The following DLG4 variants were observed in gnomAD, a reference collection of about 807,000 sequenced individuals.
DLG4 encodes discs large MAGUK scaffold protein 4, also known as disks large homolog 4.
A neutral mutation model predicts 93.8 loss-of-function variants in DLG4; 7 were observed. The observed-to-expected ratio is 0.07, with a 90% CI of 0.04 to 0.14. The LOEUF is 0.14. DLG4 is among the 10% of genes least tolerant of loss of function. DLG4 has a pLI of 1.00. For synonymous variants in DLG4, 341 were observed against 387.6 expected, an observed-to-expected ratio of 0.88 and a Z score of 1.41; for missense variants, 545 against 992.9, an observed-to-expected ratio of 0.55 and a Z score of 6.06.
chr17:7,205,697 C>A (rs2070427387), intron 2 of DLG4, among the ~76,000 whole-genome samples: 1 of 132,766 alleles, frequency 7.5e-6, no homozygotes, highest in Non-Finnish European at 1.7e-5. Flanking sequence ...ACGTGTTCAT[C>A]CCCCATCCCA....
chr17:7,217,255 CA>C lies in DLG4; in HGVS notation c.-109del, dbSNP rs2070962057. The C allele has an allele frequency of 2.4e-6, 3 of 1,226,582 alleles. No individual in the cohort carries two copies. The highest frequency in any genetic ancestry group is 3.2e-5 in the African/African-American group (2 of 62,342). The allele number at this position is 1,226,582 out of a possible 1,614,324, so 76.0% of individuals were successfully genotyped here. A position where few individuals can be genotyped will look rare whatever the true frequency, so the allele number is the denominator to read the frequency against. On this transcript the variant is annotated 5_prime_UTR_variant, in exon 1 of 20. Coordinates refer to ENST00000399506, the MANE Select transcript of DLG4 (RefSeq NM_001321075.3). Reference sequence around the variant, plus strand: ...CTCCCCCCTCCGCACCCCACTTTTGCAGGGGGGGCCAGGATGGGGGGAGGGG... The same window carrying C: ...CTCCCCCCTCCGCACCCCACTTTTGCGGGGGGGCCAGGATGGGGGGAGGGG...
chr17:7,218,595 A>C (rs772226018), upstream of DLG4: 4 of 1,566,712 alleles, frequency 2.6e-6, no homozygotes, highest in Middle Eastern at 1.7e-4. Flanking sequence ...GGGGGTGCCC[A>C]CCGCAGCAGT....
chr17:7,214,980 A>G (rs973418555), intron 1 of DLG4, among the ~76,000 whole-genome samples: 1 of 152,160 alleles, frequency 6.6e-6, no homozygotes, highest in Non-Finnish European at 1.5e-5. Flanking sequence ...GAGCTCAACG[A>G]CCGCAAAGCC....
Position 7,195,407 on chromosome 17 carries a change from C to T in DLG4, c.1301+813G>A, listed in dbSNP as rs115168778. Among the ~76,000 whole-genome samples the T allele has an allele frequency of 0.019, 2,847 of 152,218 alleles. 41 individuals carry two copies. Among genetic ancestry groups the T allele is most frequent in the African/African-American group, 0.037 (1,523 of 41,524 alleles). ...GCAGGGAGGAAGGGCAGAGCAAGGG[C>T]TCAGGTGGGAGCCAGTGTCTGGGTG... On this transcript the variant is annotated intron_variant, in intron 11 of 19. Coordinates refer to ENST00000399506, the MANE Select transcript of DLG4 (RefSeq NM_001321075.3). This position sits in a 1 kb window ranked among gnomAD's most constrained non-coding sequence, Gnocchi z 4.3.
chr17:7,211,626 G>A (rs1008605977), intron 1 of DLG4: 2 of 951,778 alleles, frequency 2.1e-6, no homozygotes, highest in Non-Finnish European at 2.5e-6. Context: ...CGGGAAGGGG[G>A]AGCGGGCCGG....
chr17:7,216,538 C>A lies in DLG4; in HGVS notation c.30+580G>T, dbSNP rs1417060889. ...ACTACCTCCATTCTATATGACTGAA[C>A]CCTAAATTAACAGTTCCCTCAAATT... On this transcript the variant is annotated intron_variant, in intron 1 of 19. Coordinates refer to ENST00000399506, the MANE Select transcript of DLG4 (RefSeq NM_001321075.3). Among the ~76,000 whole-genome samples, 4 of 152,252 alleles carry A rather than the reference C, an allele frequency of 2.6e-5. No homozygotes were observed. In the East Asian group the frequency reaches 7.7e-4, roughly 29 times the overall value.
intron 1 of DLG4, among the ~76,000 whole-genome samples, chr17:7,210,019 C>T (rs1007451136): frequency 1.3e-5 from 2 of 152,044 alleles, no homozygotes; most frequent in Non-Finnish European, 2.9e-5. Flanking sequence ...TCTAGCCTGG[C>T]GACAGAGTGA....
intron 8 of DLG4, among the ~76,000 whole-genome samples, chr17:7,202,445 T>C (rs1163240561): frequency 1.3e-5 from 2 of 152,352 alleles, no homozygotes; most frequent in Non-Finnish European, 1.5e-5. Context: ...ACAAACCCTA[T>C]GTTATTCCCT....
intron 1 of DLG4, among the ~76,000 whole-genome samples, chr17:7,211,499 G>T (rs566304030): frequency 6.6e-6 from 1 of 151,510 alleles, no homozygotes; most frequent in Non-Finnish European, 1.5e-5. Flanking sequence ...CAAAGTGAAT[G>T]ATAAGAGGGG....
At position 7,190,390 on chromosome 17, in the gene DLG4, G is replaced by A. The variant is rs1002315264; in HGVS notation, c.*318C>T. On this transcript the variant is annotated 3_prime_UTR_variant, in exon 20 of 20. Transcript: ENST00000399506. Reference sequence around the variant, plus strand: ...AATGTGTGTGGGAGAGGATGGGGGAGGGCAGGTGGCCCCCGGTGGGTCTGT... The same window carrying A: ...AATGTGTGTGGGAGAGGATGGGGGAAGGCAGGTGGCCCCCGGTGGGTCTGT... 17 of 380,654 alleles carry A rather than the reference G, an allele frequency of 4.5e-5. No individual in the cohort carries two copies. Among genetic ancestry groups the A allele is most frequent in the Admixed American group, 7.2e-5 (2 of 27,650 alleles). 23.6% of individuals were successfully genotyped at this position (380,654 alleles called of 1,614,324 possible).
rs1363481951 is a variant in DLG4, at chr17:7,189,879, C to G, written c.*829G>C. ...ACACCCAGGTCCCAAATAACCAGGC[C>G]ACACACCAAGTTTCAAGTATCTGTC... On this transcript the variant is annotated 3_prime_UTR_variant, in exon 20 of 20. Coordinates refer to ENST00000399506, the MANE Select transcript of DLG4 (RefSeq NM_001321075.3). 6.6e-6 allele frequency: 1 copy of G among 152,596 alleles called. No individual in the cohort carries two copies. Among genetic ancestry groups the G allele is most frequent in the Non-Finnish European group, 1.5e-5 (1 of 68,068 alleles). 9.5% of individuals were successfully genotyped at this position (152,596 alleles called of 1,614,324 possible).
At chr17:7,204,297 C>G (rs2070338677) in intron 2 of DLG4, 45 bp from the exon 3 acceptor site, 3 of 1,529,550 alleles carry the variant, frequency 2.0e-6, no homozygotes, top group Non-Finnish European at 2.6e-6. Context: ...AGCCTTGACT[C>G]GAGAGGGAGC....
intron 1 of DLG4, among the ~76,000 whole-genome samples, chr17:7,209,958 C>T (rs1002905415): frequency 5.9e-5 from 9 of 152,160 alleles, no homozygotes; most frequent in Admixed American, 2.0e-4. Flanking sequence ...AGGAGAATTG[C>T]TTGAACCTGG....
intron 1 of DLG4, chr17:7,213,806 C>A: frequency 2.1e-6 from 1 of 471,182 alleles, no homozygotes; most frequent in South Asian, 1.5e-5. Context: ...CTCACCCAAG[C>A]GAGATTGACC....
intron 2 of DLG4, among the ~76,000 whole-genome samples, chr17:7,205,474 G>T (rs1456332591): frequency 2.0e-5 from 3 of 152,048 alleles, no homozygotes; most frequent in Non-Finnish European, 4.4e-5. Flanking sequence ...TCGCCCAAGC[G>T]CAAGGATTCC....
upstream of DLG4, chr17:7,218,388 G>GC: frequency 7.0e-7 from 1 of 1,422,082 alleles, no homozygotes; most frequent in Non-Finnish European, 9.7e-7. Context: ...AGCCCTTTCA[G>GC]CCAAGGCTGG....
intron 1 of DLG4, among the ~76,000 whole-genome samples, chr17:7,212,988 G>T (rs539834320): frequency 1.9e-3 from 290 of 152,164 alleles, no homozygotes; most frequent in African/African-American, 6.4e-3. Context: ...AGCCGAGATC[G>T]TGCCACTGCA....
chr17:7,219,599 C>T, upstream of DLG4: 1 of 1,172,432 alleles, frequency 8.5e-7, no homozygotes, highest in Non-Finnish European at 1.1e-6. Context: ...CCTTACACTT[C>T]TCTTTCCCTA....
upstream of DLG4, chr17:7,219,766 T>A: frequency 6.8e-7 from 1 of 1,479,386 alleles, no homozygotes; most frequent in Non-Finnish European, 9.0e-7. Context: ...TTAAGGAGTT[T>A]GGGGGAGACG....
Sources: allele counts gnomAD v4.1 joint callset (sites outside exome capture counted in the v4.1 genomes callset), GRCh38; gene constraint gnomAD v4.1.1; non-coding constraint Gnocchi (gnomAD v3.1); transcripts MANE v1.5; gene names NCBI Gene and HGNC (gene_info 2026-07-23, HGNC 2026-07-21).